Variants in GALNT13 observed in about 807,000 individuals in gnomAD.
GALNT13 encodes the protein polypeptide N-acetylgalactosaminyltransferase 13.
Under a neutral mutation model 64.2 loss-of-function variants are expected in GALNT13, and 28 were observed. That is an observed-to-expected ratio of 0.44 (90% CI 0.32 to 0.60). GALNT13 has a LOEUF of 0.60. Ranked by LOEUF, GALNT13 falls within the 20% of genes least tolerant of loss-of-function variation. The pLI is 0.05. For missense variants in GALNT13, 577 were observed against 669.8 expected, an observed-to-expected ratio of 0.86 and a Z score of 1.53; for synonymous variants, 214 against 224.6, an observed-to-expected ratio of 0.95 and a Z score of 0.42.
chr2:153,122,110 T>C, the GALNT13 span, among the ~76,000 whole-genome samples: 1 of 152,148 alleles, frequency 6.6e-6, no homozygotes, highest in African/African-American at 2.4e-5. Context: ...TTCACTTATT[T>C]AGTTAATGTT....
At chr2:154,294,751 TAA>T (rs1206646867) in intron 8 of GALNT13, among the ~76,000 whole-genome samples, 3 of 152,136 alleles carry the variant, frequency 2.0e-5, no homozygotes, top group African/African-American at 7.2e-5. Flanking sequence ...GGACAAAAAT[TAA>T]GTGTGATCTA....
the GALNT13 span, among the ~76,000 whole-genome samples, chr2:153,652,068 A>G: frequency 6.6e-6 from 1 of 152,158 alleles, no homozygotes. Flanking sequence ...CATCATTTCA[A>G]AAATTTTTTC....
chr2:154,209,586 C>G (rs1687654666), intron 4 of GALNT13, among the ~76,000 whole-genome samples: 1 of 152,160 alleles, frequency 6.6e-6, no homozygotes, highest in African/African-American at 2.4e-5. Flanking sequence ...AATGCTAATG[C>G]TATTTCATCT....
intron 8 of GALNT13, among the ~76,000 whole-genome samples, chr2:154,280,553 A>G (rs1691909528): frequency 6.6e-6 from 1 of 152,246 alleles, no homozygotes. Context: ...AACTCCAATT[A>G]GGAGAGGTGG....
chr2:153,731,777 G>A, the GALNT13 span, among the ~76,000 whole-genome samples: 1 of 150,960 alleles, frequency 6.6e-6, no homozygotes, highest in East Asian at 1.9e-4. Flanking sequence ...TTTTTTTTCT[G>A]CAGTGCAGAG....
At chr2:153,791,517 G>C in the GALNT13 span, among the ~76,000 whole-genome samples, 17 of 152,256 alleles carry the variant, frequency 1.1e-4, no homozygotes, top group Admixed American at 1.1e-3. Flanking sequence ...AAAGCAATGT[G>C]GCAATCCCTC....
At chr2:153,443,928 A>AAG in the GALNT13 span, among the ~76,000 whole-genome samples, 1 of 152,126 alleles carries the variant, frequency 6.6e-6, no homozygotes, top group African/African-American at 2.4e-5. Flanking sequence ...TCAAAAAAAA[A>AAG]AGGTCAGTTT....
chr2:154,399,038 A>G (rs1574235425), intron 10 of GALNT13, among the ~76,000 whole-genome samples: 1 of 152,326 alleles, frequency 6.6e-6, no homozygotes, highest in Non-Finnish European at 1.5e-5. Context: ...CTAGTCCAAC[A>G]CTAAGGCTCA....
chr2:154,417,527 T>TTTTTTTTTTTA, intron 11 of GALNT13, among the ~76,000 whole-genome samples: 1 of 151,242 alleles, frequency 6.6e-6, no homozygotes, highest in African/African-American at 2.4e-5. Context: ...ATTTATTTTT[T>TTTTTTTTTTTA]TGAGGCGGAG....
At chr2:153,538,240 C>A in the GALNT13 span, among the ~76,000 whole-genome samples, 2 of 150,674 alleles carry the variant, frequency 1.3e-5, no homozygotes, top group Non-Finnish European at 2.9e-5. Context: ...TTTTCCCCTG[C>A]CCTAGAGATC....
intron 8 of GALNT13, among the ~76,000 whole-genome samples, chr2:154,279,334 A>G (rs1691831365): frequency 6.6e-6 from 1 of 152,174 alleles, no homozygotes; most frequent in African/African-American, 2.4e-5. Flanking sequence ...ACTTCAGAGA[A>G]GAGGATTGAC....
intron 9 of GALNT13, among the ~76,000 whole-genome samples, chr2:154,343,929 T>C (rs893716931): frequency 6.6e-6 from 1 of 152,070 alleles, no homozygotes; most frequent in Non-Finnish European, 1.5e-5. Context: ...TGAGAGGATA[T>C]GTGATTCTGT....
intron 4 of GALNT13, among the ~76,000 whole-genome samples, chr2:154,236,898 C>A (rs1227636537): frequency 6.6e-6 from 1 of 151,828 alleles, no homozygotes; most frequent in Non-Finnish European, 1.5e-5. Context: ...TGGTATTTTC[C>A]TATCTGATAC....
the GALNT13 span, among the ~76,000 whole-genome samples, chr2:153,276,276 T>C: frequency 6.6e-6 from 1 of 152,120 alleles, no homozygotes; most frequent in Non-Finnish European, 1.5e-5. Flanking sequence ...GTTTATACTT[T>C]CATTTACTAA....
At chr2:153,989,373 C>G (rs1695015763) in intron 3 of GALNT13, among the ~76,000 whole-genome samples, 1 of 151,758 alleles carries the variant, frequency 6.6e-6, no homozygotes, top group Non-Finnish European at 1.5e-5. Flanking sequence ...GTGGAAAGTT[C>G]TTAGTTTGCC....
chr2:154,165,482 A>C lies in GALNT13; in HGVS notation c.311+24977A>C, dbSNP rs528263793. The stretch of plus-strand genomic sequence containing the variant: ...TCATTATATTATCAAAATACAAATA[A>C]AGTTAGTTTTAGAAAGGATGAACCA... On this transcript the variant is annotated intron_variant, in intron 4 of 12. Transcript: ENST00000392825. Among the ~76,000 whole-genome samples, 5 of 152,298 alleles carry C rather than the reference A, an allele frequency of 3.3e-5. No homozygotes were observed. The South Asian group carries it at 1.0e-3, about 32-fold the overall frequency.
chr2:154,164,874 T>C (rs1317279739), intron 4 of GALNT13, among the ~76,000 whole-genome samples: 1 of 152,126 alleles, frequency 6.6e-6, no homozygotes. Context: ...TTATAATAAG[T>C]CTTAAGTTTA....
chr2:153,473,149 C>T, the GALNT13 span, among the ~76,000 whole-genome samples: 1 of 151,980 alleles, frequency 6.6e-6, no homozygotes, highest in Non-Finnish European at 1.5e-5. Context: ...AATAAACCTA[C>T]ATGTTCTGCA....
the GALNT13 span, among the ~76,000 whole-genome samples, chr2:153,380,366 A>G: frequency 6.6e-6 from 1 of 152,082 alleles, no homozygotes; most frequent in Non-Finnish European, 1.5e-5. Flanking sequence ...CCCACTGTTC[A>G]GGAGGTTGAG....
Sources: allele counts gnomAD v4.1 joint callset (sites outside exome capture counted in the v4.1 genomes callset), GRCh38; gene constraint gnomAD v4.1.1; transcripts MANE v1.5; gene names NCBI Gene and HGNC (gene_info 2026-07-23, HGNC 2026-07-21).